The following TTC27 variants were observed in gnomAD, a reference collection of about 807,000 sequenced individuals.
The protein encoded by TTC27 is tetratricopeptide repeat protein 27.
TTC27 carries 79 observed loss-of-function variants against 115.9 expected under a neutral mutation model. The ratio of observed to expected loss-of-function variants is 0.68; its 90% CI spans 0.57 to 0.82. The LOEUF is 0.82. Ranked by LOEUF, TTC27 falls within the 40% of genes least tolerant of loss-of-function variation. The pLI is 0.00. For missense variants in TTC27, 1,054 were observed against 993.1 expected, an observed-to-expected ratio of 1.06 and a Z score of -0.82; for synonymous variants, 401 against 356.0, an observed-to-expected ratio of 1.13 and a Z score of -1.42.
chr2:32,629,320 A>G (rs949667735), intron 1 of TTC27, among the ~76,000 whole-genome samples: 4 of 150,870 alleles, frequency 2.7e-5, no homozygotes, highest in Non-Finnish European at 1.5e-5. Flanking sequence ...GGCTTTCATC[A>G]TGTTGGTCAG....
At chr2:32,676,282 A>T (rs1448755228) in intron 8 of TTC27, among the ~76,000 whole-genome samples, 1 of 151,896 alleles carries the variant, frequency 6.6e-6, no homozygotes, top group Non-Finnish European at 1.5e-5. Context: ...GTATGCATTC[A>T]TGTGTGTTTG....
intron 16 of TTC27, among the ~76,000 whole-genome samples, chr2:32,802,301 A>AT (rs150597627): frequency 0.025 from 3,870 of 152,242 alleles, 160 homozygotes; most frequent in African/African-American, 0.089. Context: ...AAAGTTACCA[A>AT]TTTTTTTAAC....
rs1209662028 is a variant in TTC27 at position 32,751,298 on chromosome 2, ACACATG to A, written c.1453-6989_1453-6984del. On this transcript the variant is annotated intron_variant, in intron 12 of 19. Coordinates refer to ENST00000317907, the MANE Select transcript of TTC27 (RefSeq NM_017735.5). ...CACACACACACACACACACACACAC[ACACATG>A]CACACACATATACACAAGTTTTTGA... Among the ~76,000 whole-genome samples the A allele has an allele frequency of 4.0e-3, 590 of 149,132 alleles. 4 individuals carry two copies. The highest frequency in any genetic ancestry group is 0.014 in the African/African-American group (566 of 40,918).
chr2:32,640,881 CTGAGGCAGGAGAATTGCT>C lies in TTC27; in HGVS notation c.537+475_537+492del, dbSNP rs1177095982. 2.0e-5 allele frequency among the ~76,000 whole-genome samples: 3 copies of C among 152,182 alleles called. No individual in the cohort carries two copies. In the South Asian group the frequency reaches 6.2e-4, roughly 32 times the overall value. ...CCTGTAATCCCAGCTACTTGGGAGG[CTGAGGCAGGAGAATTGCT>C]TGAACCTGGGAGGTGGAGGTTGCAG... is the stretch of plus-strand genomic sequence containing the variant. On this transcript the variant is annotated intron_variant, in intron 4 of 19. Coordinates refer to ENST00000317907, the MANE Select transcript of TTC27 (RefSeq NM_017735.5).
At chr2:32,691,499 A>G (rs1666809234) in intron 9 of TTC27, among the ~76,000 whole-genome samples, 1 of 151,844 alleles carries the variant, frequency 6.6e-6, no homozygotes, top group African/African-American at 2.4e-5. Context: ...GGGTTTCATC[A>G]TGTTGCCCAG....
chr2:32,752,380 A>G (rs960090498), intron 12 of TTC27, among the ~76,000 whole-genome samples: 3 of 152,342 alleles, frequency 2.0e-5, no homozygotes, highest in South Asian at 4.1e-4. Context: ...TACATTACAC[A>G]AAGGAATTTC....
chr2:32,777,522 A>G (rs982260950), intron 13 of TTC27, among the ~76,000 whole-genome samples: 36 of 152,338 alleles, frequency 2.4e-4, no homozygotes, highest in African/African-American at 8.2e-4. Context: ...ATGTTTGTAC[A>G]TGTTCAGTAG....
intron 12 of TTC27, among the ~76,000 whole-genome samples, chr2:32,746,710 C>T (rs1668845000): frequency 6.6e-6 from 1 of 152,028 alleles, no homozygotes; most frequent in South Asian, 2.1e-4. Flanking sequence ...TATGTAGGCC[C>T]TGGTACTTTA....
At chr2:32,714,160 C>T (rs1280417037) in intron 10 of TTC27, among the ~76,000 whole-genome samples, 12 of 149,352 alleles carry the variant, frequency 8.0e-5, no homozygotes, top group Admixed American at 1.4e-4. Flanking sequence ...CCCGCCCCCC[C>T]GCCTTTTTTT....
At chr2:32,668,465 T>C (rs1347041075) in intron 7 of TTC27, among the ~76,000 whole-genome samples, 1 of 151,820 alleles carries the variant, frequency 6.6e-6, no homozygotes, top group Non-Finnish European at 1.5e-5. Flanking sequence ...TGATGTACCA[T>C]TTAATACAGA....
intron 12 of TTC27, among the ~76,000 whole-genome samples, chr2:32,757,128 G>T (rs968544160): frequency 1.3e-5 from 2 of 152,138 alleles, no homozygotes; most frequent in African/African-American, 2.4e-5. Flanking sequence ...TTTAAGCAGT[G>T]CCTATTAAGT....
intron 16 of TTC27, among the ~76,000 whole-genome samples, chr2:32,806,815 C>A (rs1400002383): frequency 6.6e-6 from 1 of 151,800 alleles, no homozygotes; most frequent in African/African-American, 2.4e-5. Flanking sequence ...TCTAGAACCA[C>A]TTTTTAAGAT....
chr2:32,692,078 C>T lies in TTC27; in HGVS notation c.1120-10729C>T, dbSNP rs1666839439. ...TTTTTTTTTTGTAGAGACAGGTCTC[C>T]CCATATTGCTCAGGCTGGTCTTGAA... is the stretch of plus-strand genomic sequence containing the variant. On this transcript the variant is annotated intron_variant, in intron 9 of 19. Coordinates refer to ENST00000317907, the MANE Select transcript of TTC27 (RefSeq NM_017735.5). Among the ~76,000 whole-genome samples the T allele has an allele frequency of 5.8e-5, 4 of 68,760 alleles. No individual in the cohort carries two copies. In the Admixed American group the frequency reaches 7.5e-4, roughly 13 times the overall value. The allele number at this position is 68,760 out of a possible 152,430, so 45.1% of individuals were successfully genotyped here. A position where few individuals can be genotyped will look rare whatever the true frequency, so the allele number is the denominator to read the frequency against.
At chr2:32,705,693 G>A (rs61309674) in intron 10 of TTC27, among the ~76,000 whole-genome samples, 27,858 of 151,832 alleles carry the variant, frequency 0.18, 3,067 homozygotes, top group South Asian at 0.39. Flanking sequence ...CACTAGTTAG[G>A]GCTACAGGTG....
chr2:32,755,176 G>C (rs1044974655), intron 12 of TTC27, among the ~76,000 whole-genome samples: 5 of 152,270 alleles, frequency 3.3e-5, no homozygotes, highest in East Asian at 1.9e-4. Flanking sequence ...CTTCCCAGAC[G>C]GGGTGGCGGC....
At chr2:32,771,035 C>T (rs1490667748) in intron 13 of TTC27, among the ~76,000 whole-genome samples, 3 of 152,122 alleles carry the variant, frequency 2.0e-5, no homozygotes, top group Non-Finnish European at 4.4e-5. Flanking sequence ...AATGTGAGTA[C>T]TGTGATAACA....
chr2:32,681,980 A>ATG (rs70938359), intron 9 of TTC27, among the ~76,000 whole-genome samples: 10,858 of 89,482 alleles, frequency 0.12, 485 homozygotes, highest in Non-Finnish European at 0.18. Flanking sequence ...ATGTATATAT[A>ATG]TGTGTGTGTG....
chr2:32,641,878 C>T (rs1664663291), intron 4 of TTC27, among the ~76,000 whole-genome samples: 1 of 151,304 alleles, frequency 6.6e-6, no homozygotes, highest in African/African-American at 2.4e-5. Context: ...TTTTTTGAGA[C>T]AGAGTCTCGC....
At chr2:32,813,306 T>C (rs1395008197) in intron 18 of TTC27, among the ~76,000 whole-genome samples, 1 of 152,210 alleles carries the variant, frequency 6.6e-6, no homozygotes. Context: ...AAAGTTCTCC[T>C]TCTACTTCCC....
Sources: gnomAD v4.1 joint callset for allele counts (sites outside exome capture counted in the v4.1 genomes callset) on GRCh38, gnomAD v4.1.1 for gene constraint, MANE v1.5 for transcripts, NCBI Gene and HGNC (gene_info 2026-07-23, HGNC 2026-07-21) for gene names.